The following COL22A1 variants were observed in gnomAD, a reference collection of about 807,000 sequenced individuals.
COL22A1 encodes collagen alpha-1(XXII) chain.
A neutral mutation model predicts 248.9 loss-of-function variants in COL22A1; 221 were observed. The observed-to-expected ratio is 0.89, with a 90% CI of 0.80 to 0.99. COL22A1 has a LOEUF of 0.99. Among genes scored for constraint, COL22A1 ranks in the 50% least tolerant of loss-of-function variants. The pLI, the probability that COL22A1 is intolerant of heterozygous loss-of-function variation, is 0.00. For missense variants in COL22A1, 2,240 were observed against 2,179.0 expected, an observed-to-expected ratio of 1.03 and a Z score of -0.56; for synonymous variants, 891 against 793.4, an observed-to-expected ratio of 1.12 and a Z score of -2.07.
chr8:138,783,340 A>G (rs1815212070), intron 12 of COL22A1, among the ~76,000 whole-genome samples: 1 of 152,088 alleles, frequency 6.6e-6, no homozygotes. Flanking sequence ...CAACAAGATC[A>G]CAAGGTCCCA....
intron 1 of COL22A1, among the ~76,000 whole-genome samples, chr8:138,883,508 G>A (rs1452128190): frequency 6.6e-6 from 1 of 152,168 alleles, no homozygotes; most frequent in Non-Finnish European, 1.5e-5. Flanking sequence ...CCTTGTGCCT[G>A]AGGACTCCAC....
chr8:138,616,146 G>T, intron 54 of COL22A1, 92 bp from the exon 55 acceptor site: 1 of 1,047,894 alleles, frequency 9.5e-7, no homozygotes. Flanking sequence ...GGGAGAGGTG[G>T]AGAGGCCCAG....
At chr8:138,732,576 TTC>T (rs1830791563) in intron 23 of COL22A1, among the ~76,000 whole-genome samples, 1 of 152,262 alleles carries the variant, frequency 6.6e-6, no homozygotes, top group South Asian at 2.1e-4. Flanking sequence ...AATGTTACTT[TTC>T]TTTCTTCTCA....
intron 1 of COL22A1, among the ~76,000 whole-genome samples, chr8:138,884,978 T>TTTTTCTGATGGAGTTTCACTCTTGTTG (rs1824536824): frequency 6.6e-6 from 1 of 151,812 alleles, no homozygotes; most frequent in African/African-American, 2.4e-5. Flanking sequence ...TCTAGGATTA[T>TTTTTCTGATGGAGTTTCACTCTTGTTG]CCCCCTGAAA....
At chr8:138,772,500 A>G (rs545133575) in intron 16 of COL22A1, among the ~76,000 whole-genome samples, 1 of 152,276 alleles carries the variant, frequency 6.6e-6, no homozygotes, top group Admixed American at 6.5e-5. Context: ...GCGTATTTAA[A>G]AAAAAGATTT....
chr8:138,877,715 T>A (rs1823833065), intron 3 of COL22A1, 35 bp downstream of exon 3: 1 of 1,540,736 alleles, frequency 6.5e-7, no homozygotes, highest in African/African-American at 1.4e-5. Context: ...GGCGTCACTC[T>A]TGGGAGGGGC....
At chr8:138,591,760 A>G (rs1162878566) in intron 63 of COL22A1, among the ~76,000 whole-genome samples, 1 of 152,098 alleles carries the variant, frequency 6.6e-6, no homozygotes. Context: ...TCCCTCCTAA[A>G]CACATATCTA....
intron 32 of COL22A1, among the ~76,000 whole-genome samples, chr8:138,699,898 C>T (rs1173352547): frequency 2.0e-5 from 3 of 152,230 alleles, no homozygotes; most frequent in Non-Finnish European, 2.9e-5. Context: ...GACTTCTAGG[C>T]CCCTGGAATG....
At chr8:138,875,590 C>T (rs1314028651) in intron 3 of COL22A1, among the ~76,000 whole-genome samples, 1 of 152,182 alleles carries the variant, frequency 6.6e-6, no homozygotes, top group Non-Finnish European at 1.5e-5. Context: ...GGCTGTGACC[C>T]TGTGCCTAGT....
intron 17 of COL22A1, among the ~76,000 whole-genome samples, chr8:138,762,181 C>T (rs970571758): frequency 1.3e-5 from 2 of 152,204 alleles, no homozygotes; most frequent in African/African-American, 4.8e-5. Context: ...TGATAACGCA[C>T]CACCTTACCT....
At chr8:138,855,617 CTT>C (rs967825400) in intron 3 of COL22A1, among the ~76,000 whole-genome samples, 3 of 152,200 alleles carry the variant, frequency 2.0e-5, no homozygotes, top group African/African-American at 7.2e-5. Context: ...TGCAGTAGCT[CTT>C]TTTGAATCCC....
chr8:138,774,157 T>C (rs927981380), intron 16 of COL22A1, among the ~76,000 whole-genome samples: 3 of 152,128 alleles, frequency 2.0e-5, no homozygotes, highest in African/African-American at 7.2e-5. Context: ...GGGTTTTGCT[T>C]ATTAAAGTTA....
At chr8:138,885,993 T>TA (rs1320052987) in intron 1 of COL22A1, among the ~76,000 whole-genome samples, 4 of 152,118 alleles carry the variant, frequency 2.6e-5, no homozygotes, top group African/African-American at 7.2e-5. Context: ...CATTAGGTTA[T>TA]ATCTATCCTC....
chr8:138,635,025 C>T lies in COL22A1; in HGVS notation c.3594G>A (p.Gly1198=). ...PGVPGFMGPP[G]NPGPPGADGI... ...GATTACTTACTGGTGGCCCAGGGTT[C>T]CCTGGGGGCCCCATGAAACCTGGAA... is the stretch of plus-strand genomic sequence containing the variant. Residue 1198 remains glycine (G), a synonymous_variant, in exon 49 of 65, where the codon GGG becomes GGA. Coordinates refer to ENST00000303045, the MANE Select transcript of COL22A1 (RefSeq NM_152888.3). 3.7e-6 allele frequency: 6 copies of T among 1,609,066 alleles called. No individual in the cohort carries two copies. The highest frequency in any genetic ancestry group is 5.1e-6 in the Non-Finnish European group (6 of 1,176,572).
chr8:138,594,117 AG>A lies in COL22A1; in HGVS notation c.4514del (p.Pro1505LeufsTer31). ...CCCGGCCTGGAAGCCCATCTTTTCC[AG>A]GGGGCCCTGGGGGCCCAGGTCTGCC... is the stretch of plus-strand genomic sequence containing the variant. ...SQGRPGPPGP[P>X]GKDGLPGRAG... On this transcript the variant is annotated frameshift_variant, in exon 63 of 65. Coordinates refer to ENST00000303045, the MANE Select transcript of COL22A1 (RefSeq NM_152888.3). LOFTEE classifies it high-confidence loss of function. The A allele has an allele frequency of 1.3e-6, 2 of 1,581,030 alleles. No individual in the cohort carries two copies. Among genetic ancestry groups the A allele is most frequent in the East Asian group, 2.3e-5 (1 of 43,114 alleles).
At chr8:138,686,664 G>C (rs1366521402) in intron 37 of COL22A1, among the ~76,000 whole-genome samples, 1 of 152,134 alleles carries the variant, frequency 6.6e-6, no homozygotes. Context: ...CTGGGCCTCT[G>C]CTCAGCCAAG....
At chr8:138,608,932 C>A (rs1818637800) in intron 56 of COL22A1, among the ~76,000 whole-genome samples, 1 of 152,186 alleles carries the variant, frequency 6.6e-6, no homozygotes, top group African/African-American at 2.4e-5. Context: ...TGTGTGTCTC[C>A]AATGCAGTGC....
intron 63 of COL22A1, 119 bp downstream of exon 63, chr8:138,593,898 T>A: frequency 1.3e-6 from 1 of 748,700 alleles, no homozygotes; most frequent in South Asian, 3.0e-5. Flanking sequence ...CTCTGGGTGT[T>A]ACCAAGCTAC....
chr8:138,882,546 G>A (rs1412198292), intron 2 of COL22A1, among the ~76,000 whole-genome samples: 1 of 123,804 alleles, frequency 8.1e-6, no homozygotes, highest in East Asian at 2.5e-4. Flanking sequence ...TCCCCCACAT[G>A]CTCCCTCAAA....
Sources: gnomAD v4.1 joint callset for allele counts (sites outside exome capture counted in the v4.1 genomes callset) on GRCh38, gnomAD v4.1.1 for gene constraint, MANE v1.5 for transcripts, NCBI Gene and HGNC (gene_info 2026-07-23, HGNC 2026-07-21) for gene names.